Variants in GTPBP4 observed in about 807,000 individuals in gnomAD.
The protein encoded by GTPBP4 is GTP-binding protein 4.
A neutral mutation model predicts 81.7 loss-of-function variants in GTPBP4; 15 were observed. That is an observed-to-expected ratio of 0.18 (90% confidence interval 0.12 to 0.28). GTPBP4 has a LOEUF of 0.28. GTPBP4 is among the 10% of genes least tolerant of loss of function. The pLI is 1.00. For synonymous variants in GTPBP4, 272 were observed against 274.6 expected, an observed-to-expected ratio of 0.99 and a Z score of 0.09; for missense variants, 847 against 793.8, an observed-to-expected ratio of 1.07 and a Z score of -0.81.
At chr10:991,689 C>CTTTTT (rs778451253) in intron 1 of GTPBP4, among the ~76,000 whole-genome samples, 6 of 74,812 alleles carry the variant, frequency 8.0e-5, no homozygotes, top group East Asian at 4.4e-4. Flanking sequence ...TAAAATTTAT[C>CTTTTT]TTTTTTTTTT....
intron 1 of GTPBP4, among the ~76,000 whole-genome samples, chr10:989,539 G>T (rs1831405461): frequency 6.6e-6 from 1 of 152,162 alleles, no homozygotes; most frequent in African/African-American, 2.4e-5. Flanking sequence ...GGGAGTTACT[G>T]AAGTCCCTGC....
At chr10:998,304 T>C (rs1446559560) in intron 5 of GTPBP4, among the ~76,000 whole-genome samples, 1 of 152,092 alleles carries the variant, frequency 6.6e-6, no homozygotes, top group Non-Finnish European at 1.5e-5. Flanking sequence ...CTCACTGTGT[T>C]CCCCAGGCTG....
intron 10 of GTPBP4, chr10:1,008,068 G>C (rs998141153): frequency 2.2e-6 from 1 of 457,424 alleles, no homozygotes; most frequent in African/African-American, 2.0e-5. Context: ...GGGTGTTCAG[G>C]TTTGCATTGT....
chr10:1,009,331 C>T (rs10904597), intron 11 of GTPBP4, among the ~76,000 whole-genome samples, 198 bp from the exon 12 acceptor site: 12,358 of 152,254 alleles, frequency 0.081, 639 homozygotes, highest in South Asian at 0.11. Context: ...AGATAAGAAA[C>T]AGCCTCTTCC....
Position 1,019,523 on chromosome 10 carries a change from T to A in GTPBP4, c.*2296T>A, listed in dbSNP as rs376276027. The stretch of plus-strand genomic sequence containing the variant: ...GACTCGACCTCCCTGCCTCTCACAC[T>A]CTGTGTATTTTGTGAAGCTCCACAA... On this transcript the variant is annotated 3_prime_UTR_variant, in exon 17 of 17. Coordinates refer to ENST00000360803, the MANE Select transcript of GTPBP4 (RefSeq NM_012341.3). 1.9e-6 allele frequency: 3 copies of A among 1,611,862 alleles called. No homozygotes were observed. Among genetic ancestry groups the A allele is most frequent in the African/African-American group, 1.3e-5 (1 of 74,780 alleles).
At chr10:994,513 C>T (rs532395846) in intron 2 of GTPBP4, among the ~76,000 whole-genome samples, 3 of 152,148 alleles carry the variant, frequency 2.0e-5, no homozygotes, top group South Asian at 4.1e-4. Context: ...TCAGGTGATC[C>T]GCCTGCCTTG....
At chr10:1,006,093 C>T (rs752258135) in intron 9 of GTPBP4, among the ~76,000 whole-genome samples, 186 bp downstream of exon 9, 57 of 152,340 alleles carry the variant, frequency 3.7e-4, no homozygotes, top group Non-Finnish European at 7.2e-4. Flanking sequence ...CTTTGCCCCC[C>T]GTGGACAGTG....
rs561802889 is a variant in GTPBP4, at chr10:991,718, C to T, written c.49-771C>T. 2.0e-4 allele frequency among the ~76,000 whole-genome samples: 21 copies of T among 103,776 alleles called. No homozygotes were observed. The South Asian group carries it at 3.6e-3, about 18-fold the overall frequency. 68.1% of individuals were successfully genotyped at this position (103,776 alleles called of 152,430 possible). A position where few individuals can be genotyped will look rare whatever the true frequency, so the allele number is the denominator to read the frequency against. ...TTTTTTTTTTTTTTTTTTTTTGAGA[C>T]GGAGTCTCGCTCTGTCGCCCAGGCT... On this transcript the variant is annotated intron_variant, in intron 1 of 16. Coordinates refer to ENST00000360803, the MANE Select transcript of GTPBP4 (RefSeq NM_012341.3).
chr10:1,014,442 G>A, intron 15 of GTPBP4, 130 bp downstream of exon 15: 1 of 625,006 alleles, frequency 1.6e-6, no homozygotes. Flanking sequence ...AGATCATGAT[G>A]TCAGGGGTTC....
At chr10:1,001,927 T>TA (rs1262809920) in intron 8 of GTPBP4, among the ~76,000 whole-genome samples, 5 of 113,878 alleles carry the variant, frequency 4.4e-5, no homozygotes, top group African/African-American at 1.4e-4. Flanking sequence ...TTTATTTTAT[T>TA]TTTGTTTTTT....
intron 8 of GTPBP4, among the ~76,000 whole-genome samples, chr10:1,004,950 C>T (rs1831698396): frequency 6.6e-6 from 1 of 152,184 alleles, no homozygotes. Flanking sequence ...GTGTCAGCTC[C>T]TTCTGTGTGG....
Position 999,017 on chromosome 10 carries a change from C to T in GTPBP4, c.576C>T (p.Asp192=), listed in dbSNP as rs773282249. 1.1e-4 allele frequency: 175 copies of T among 1,598,336 alleles called. No individual in the cohort carries two copies. Among genetic ancestry groups the T allele is most frequent in the Middle Eastern group, 1.6e-4 (1 of 6,062 alleles). The change falls in exon 6 of 17, where the codon GAC becomes GAT. Residue 192 remains aspartate, a synonymous_variant. Coordinates refer to ENST00000360803, the MANE Select transcript of GTPBP4 (RefSeq NM_012341.3). ...ACTTGTTCCAGGTGACGAGAGCAGA[C>T]GTGGATGTCCAGCCCTATGCGTTCA... ...SSFINKVTRA[D]VDVQPYAFTT... is the part of the protein sequence containing the mutation.
In GTPBP4 at chr10:1,010,500, A is replaced by C; in HGVS notation, c.1324A>C (p.Ile442Leu). The C allele has an allele frequency of 6.5e-7, 1 of 1,543,726 alleles. No individual in the cohort carries two copies. The highest frequency in any genetic ancestry group is 9.0e-7 in the Non-Finnish European group (1 of 1,115,932). Residue 442 changes from isoleucine to leucine, a missense_variant, in exon 13 of 17, where the codon ATT becomes CTT. Around this residue, in one of 3 missense-constraint regions of GTPBP4, gnomAD observed 600 missense variants for 557.1 expected, o/e 1.08. Transcript: ENST00000360803. ...GGAAGGCCATAATATAGCTGATTATATTGATCCAGCCATCATGAAGGTTTG... is the reference window on the plus strand; with the variant it reads ...GGAAGGCCATAATATAGCTGATTATCTTGATCCAGCCATCATGAAGGTTTG... ...IWEGHNIADY[I>L]DPAIMKKLEE... is the part of the protein sequence containing the mutation.
In GTPBP4 at chr10:1,007,098, C is replaced by A; in HGVS notation, c.1083C>A (p.His361Gln). ...NKVNEVLNRL[H>Q]LAIPTRRDDK... ...TGAATGAGGTGCTGAATAGACTGCACCTGGCTATCCCAACCAGGAGGGACG... is the reference window on the plus strand; with the variant it reads ...TGAATGAGGTGCTGAATAGACTGCAACTGGCTATCCCAACCAGGAGGGACG... The change falls in exon 10 of 17, where the codon CAC (histidine) becomes CAA (glutamine). Residue 361 changes from histidine to glutamine, a missense_variant. By Grantham distance (24) the His-to-Gln change is conservative. Coordinates refer to ENST00000360803, the MANE Select transcript of GTPBP4 (RefSeq NM_012341.3). 2 of 1,607,674 alleles carry A rather than the reference C, an allele frequency of 1.2e-6. No homozygotes were observed. The highest frequency in any genetic ancestry group is 1.7e-6 in the Non-Finnish European group (2 of 1,174,054).
chr10:1,014,130 C>T (rs1039149232), intron 14 of GTPBP4, 117 bp from the exon 15 acceptor site: 29 of 605,724 alleles, frequency 4.8e-5, no homozygotes, highest in Middle Eastern at 3.6e-4. Context: ...ATTACAACTT[C>T]TAAAATAAGT....
At chr10:992,463 T>C in intron 1 of GTPBP4, 26 bp from the exon 2 acceptor site, 2 of 1,449,778 alleles carry the variant, frequency 1.4e-6, no homozygotes, top group Non-Finnish European at 1.9e-6. Flanking sequence ...TTTGATGTAA[T>C]TATGTTTTAT....
At chr10:1,000,565 C>G in intron 6 of GTPBP4, 112 bp from the exon 7 acceptor site, 1 of 481,380 alleles carries the variant, frequency 2.1e-6, no homozygotes, top group Non-Finnish European at 3.5e-6. Flanking sequence ...AACTACAATT[C>G]TGCTGTAAGA....
intron 11 of GTPBP4, among the ~76,000 whole-genome samples, 157 bp from the exon 12 acceptor site, chr10:1,009,372 A>G (rs554264981): frequency 6.6e-6 from 1 of 152,356 alleles, no homozygotes; most frequent in East Asian, 1.9e-4. Context: ...CCCCGCAGAC[A>G]GGGAGATAAG....
At chr10:1,012,933 TCA>T (rs1445607381) in intron 14 of GTPBP4, among the ~76,000 whole-genome samples, 6 of 152,212 alleles carry the variant, frequency 3.9e-5, no homozygotes, top group Non-Finnish European at 7.3e-5. Context: ...AACTTATGGT[TCA>T]CAGACGTTCA....
Sources: gnomAD v4.1 joint callset for allele counts (sites outside exome capture counted in the v4.1 genomes callset) on GRCh38, gnomAD v4.1.1 for gene constraint, gnomAD v4.1.1 regional missense constraint, MANE v1.5 for transcripts, NCBI Gene and HGNC (gene_info 2026-07-23, HGNC 2026-07-21) for gene names.